The following SH3KBP1 variants were observed in gnomAD, a reference collection of about 807,000 sequenced individuals.
SH3KBP1 encodes the protein SH3 domain containing kinase binding protein 1.
In SH3KBP1, 8 loss-of-function variants were observed where a neutral mutation model predicts 50.1. That is an observed-to-expected ratio of 0.16 (90% CI 0.09 to 0.29). The LOEUF is 0.29. Ranked by LOEUF, SH3KBP1 falls within the 10% of genes least tolerant of loss-of-function variation. The pLI is 1.00. For missense variants in SH3KBP1, 377 were observed against 535.2 expected (o/e 0.70, Z 2.92); for synonymous variants, 227 against 218.6 (o/e 1.04, Z -0.34).
At chrX:19,542,234 TTGTGTGC>T (rs1467873867) in intron 15 of SH3KBP1, 41 bp from the exon 16 acceptor site, 4 of 1,123,233 alleles carry the variant, frequency 3.6e-6, no homozygotes, top group Non-Finnish European at 3.5e-6. Context: ...GGCCGGGGAT[TTGTGTGC>T]TGCGTCTTTG....
At chrX:19,649,272 C>T (rs1002404596) in intron 6 of SH3KBP1, among the ~76,000 whole-genome samples, 5 of 111,869 alleles carry the variant, frequency 4.5e-5, no homozygotes, top group African/African-American at 1.3e-4. Flanking sequence ...ATTCACCTCC[C>T]GGGGGATCTG....
intron 2 of SH3KBP1, among the ~76,000 whole-genome samples, chrX:19,776,530 TG>T (rs1404083322): frequency 3.9e-5 from 3 of 76,948 alleles, no homozygotes; most frequent in South Asian, 7.9e-4. Flanking sequence ...CTTGACAACC[TG>T]GTTTTTTTTT....
chrX:19,683,194 T>C, intron 6 of SH3KBP1: 1 of 299,540 alleles, frequency 3.3e-6, no homozygotes, highest in Non-Finnish European at 6.5e-6. Flanking sequence ...TGTGTTGCTG[T>C]GGTAACCGCG....
intron 6 of SH3KBP1, among the ~76,000 whole-genome samples, chrX:19,672,001 C>T (rs191099775): frequency 1.1e-3 from 121 of 111,917 alleles, no homozygotes; most frequent in African/African-American, 3.6e-3. Context: ...TTATTAACTG[C>T]CTGCACTGTA....
intron 11 of SH3KBP1, among the ~76,000 whole-genome samples, chrX:19,591,045 G>A (rs1361522249): frequency 9.2e-6 from 1 of 108,338 alleles, no homozygotes; most frequent in Non-Finnish European, 1.9e-5. Flanking sequence ...ACACAGACCT[G>A]GCCTTCACAA....
At chrX:19,658,349 T>C (rs2062348480) in intron 6 of SH3KBP1, among the ~76,000 whole-genome samples, 1 of 111,969 alleles carries the variant, frequency 8.9e-6, no homozygotes. Context: ...GATAACCTAC[T>C]GCTTCCATAA....
chrX:19,685,294 A>C (rs2063139651), intron 5 of SH3KBP1, among the ~76,000 whole-genome samples: 1 of 112,812 alleles, frequency 8.9e-6, no homozygotes, highest in South Asian at 3.6e-4. Context: ...AGGAAGTCTC[A>C]GTGCAGGAAG....
At chrX:19,599,421 A>G (rs906378000) in intron 9 of SH3KBP1, among the ~76,000 whole-genome samples, 7 of 112,415 alleles carry the variant, frequency 6.2e-5, no homozygotes, top group African/African-American at 2.3e-4. Flanking sequence ...GTGTATGAAG[A>G]GTGTGGTCAC....
rs1181733111 is a variant in SH3KBP1 at position 19,746,471 on chromosome X, T to C, written c.163-30A>G. ...GAGGACAGATAAAAGGAAAACAAGA[T>C]TATAGTTTGAAACTTTAGAATGCCT... On this transcript the variant is annotated intron_variant, in intron 2 of 17. Coordinates refer to ENST00000397821, the MANE Select transcript of SH3KBP1 (RefSeq NM_031892.3). 2.5e-6 allele frequency: 3 copies of C among 1,179,401 alleles called. No homozygotes were observed. In the South Asian group the frequency reaches 5.7e-5, roughly 22 times the overall value.
At chrX:19,584,627 C>T (rs1388813922) in intron 12 of SH3KBP1, among the ~76,000 whole-genome samples, 1 of 111,131 alleles carries the variant, frequency 9.0e-6, no homozygotes, top group Non-Finnish European at 1.9e-5. Context: ...GCCACTGTAC[C>T]TGGCCCTGTA....
chrX:19,684,508 A>G (rs1356299327), intron 5 of SH3KBP1, among the ~76,000 whole-genome samples: 8 of 112,730 alleles, frequency 7.1e-5, no homozygotes, highest in Admixed American at 6.6e-4. Flanking sequence ...AGCCATTTAA[A>G]CAAATGAGCA....
chrX:19,551,813 A>G (rs2065250878), intron 13 of SH3KBP1, among the ~76,000 whole-genome samples: 1 of 111,184 alleles, frequency 9.0e-6, no homozygotes, highest in Non-Finnish European at 1.9e-5. Context: ...CATGTTGTCT[A>G]AAATGAAAAT....
At chrX:19,792,803 G>A (rs966093521) in intron 2 of SH3KBP1, among the ~76,000 whole-genome samples, 3 of 103,772 alleles carry the variant, frequency 2.9e-5, no homozygotes, top group African/African-American at 1.1e-4. Flanking sequence ...GGGCAGGGGC[G>A]GGACGGGCGA....
At chrX:19,809,699 A>G (rs951152818) in intron 2 of SH3KBP1, among the ~76,000 whole-genome samples, 1 of 112,538 alleles carries the variant, frequency 8.9e-6, no homozygotes, top group Non-Finnish European at 1.9e-5. Context: ...TCCAACCATC[A>G]TTAATATTCA....
chrX:19,669,306 G>GAAT (rs756765901), intron 6 of SH3KBP1, among the ~76,000 whole-genome samples: 3,329 of 101,259 alleles, frequency 0.033, 130 homozygotes, highest in African/African-American at 0.11. Flanking sequence ...CTTCAACTTT[G>GAAT]AATAATAATA....
chrX:19,556,336 C>G (rs2065488367), intron 13 of SH3KBP1, among the ~76,000 whole-genome samples: 1 of 108,464 alleles, frequency 9.2e-6, no homozygotes, highest in Non-Finnish European at 1.9e-5. Flanking sequence ...TCTAAACCCA[C>G]AGGGCCGCAG....
At chrX:19,660,884 C>T (rs1344756974) in intron 6 of SH3KBP1, among the ~76,000 whole-genome samples, 3 of 112,314 alleles carry the variant, frequency 2.7e-5, no homozygotes, top group Non-Finnish European at 5.6e-5. Context: ...ATACTCCTCC[C>T]GATGCAGTTA....
intron 2 of SH3KBP1, among the ~76,000 whole-genome samples, chrX:19,785,908 T>C (rs1308138422): frequency 1.8e-5 from 2 of 110,769 alleles, no homozygotes; most frequent in South Asian, 3.8e-4. Context: ...AGAATGGTGG[T>C]TGCCAGGGGC....
At chrX:19,886,723 AG>A (rs2069593279) in intron 1 of SH3KBP1, among the ~76,000 whole-genome samples, 1 of 110,472 alleles carries the variant, frequency 9.1e-6, no homozygotes, top group Admixed American at 9.5e-5. Flanking sequence ...GCCGGGAGGA[AG>A]GGGGGCGCAA....
Sources: gnomAD v4.1 joint callset for allele counts (sites outside exome capture counted in the v4.1 genomes callset) on GRCh38, gnomAD v4.1.1 for gene constraint, MANE v1.5 for transcripts, NCBI Gene and HGNC (gene_info 2026-07-23, HGNC 2026-07-21) for gene names.